Variants in AHCYL2 observed in about 807,000 individuals in gnomAD.
AHCYL2 encodes the protein S-adenosylhomocysteine hydrolase-like protein 2.
AHCYL2 carries 28 observed loss-of-function variants against 81.4 expected under a neutral mutation model. That is an observed-to-expected ratio of 0.34 (90% CI 0.25 to 0.47). The LOEUF (loss-of-function observed/expected upper bound fraction) is 0.47. Ranked by LOEUF, AHCYL2 falls within the 20% of genes least tolerant of loss-of-function variation. The pLI is 1.00. For missense variants in AHCYL2, 551 were observed against 785.1 expected (o/e 0.70, Z 3.56); for synonymous variants, 272 against 290.2 (o/e 0.94, Z 0.64).
At chr7:129,259,131 C>A (rs1795529831) in intron 1 of AHCYL2, among the ~76,000 whole-genome samples, 1 of 151,948 alleles carries the variant, frequency 6.6e-6, no homozygotes, top group African/African-American at 2.4e-5. Flanking sequence ...ATAACATTAC[C>A]TTTTTCCCAC....
At chr7:129,321,743 G>GTTTTTTTTTTTTTT in intron 1 of AHCYL2, among the ~76,000 whole-genome samples, 174 of 77,496 alleles carry the variant, frequency 2.2e-3, no homozygotes, top group East Asian at 4.5e-3. Flanking sequence ...TTCTTTCTTT[G>GTTTTTTTTTTTTTT]TTTTTTTTTT....
intron 1 of AHCYL2, among the ~76,000 whole-genome samples, chr7:129,350,003 A>G (rs1793500489): frequency 6.6e-6 from 1 of 152,234 alleles, no homozygotes; most frequent in East Asian, 1.9e-4. Context: ...TTAGTTATTC[A>G]TATTATTGTA....
intron 1 of AHCYL2, among the ~76,000 whole-genome samples, chr7:129,336,934 C>T (rs747818497): frequency 2.0e-5 from 3 of 151,932 alleles, no homozygotes; most frequent in Non-Finnish European, 2.9e-5. Context: ...TTTGTAAAGA[C>T]GGGTGTCTCA....
rs185639903 is a variant in AHCYL2 at position 129,424,593 on chromosome 7, A to G, written c.1561-281A>G. On this transcript the variant is annotated intron_variant, in intron 13 of 16. Transcript: ENST00000325006. ...AGAGTGGAAAATTCAAGAGAAGTAC[A>G]CTGATATTTGGCATAAGCCTCAGTG... 402 of 492,558 alleles carry G rather than the reference A, an allele frequency of 8.2e-4. 4 individuals are homozygous for G. In the East Asian group the frequency reaches 9.3e-3, roughly 11 times the overall value. 30.5% of individuals were successfully genotyped at this position (492,558 alleles called of 1,614,324 possible).
chr7:129,383,717 A>G (rs1030179670), intron 2 of AHCYL2, among the ~76,000 whole-genome samples: 6 of 151,732 alleles, frequency 4.0e-5, no homozygotes, highest in African/African-American at 1.5e-4. Flanking sequence ...TGTTCATTTC[A>G]CTCTGGCCTT....
In AHCYL2 at chr7:129,320,517, A is replaced by G. The variant is rs564811827; in HGVS notation, c.364-59121A>G. On this transcript the variant is annotated intron_variant, in intron 1 of 16. Coordinates refer to ENST00000325006, the MANE Select transcript of AHCYL2 (RefSeq NM_015328.4). ...TTTTTAGTAGAGATGCGGTTTCACC[A>G]TGTTAGCCAGGTTGGTCTCGAACTC... Among the ~76,000 whole-genome samples the G allele has an allele frequency of 2.6e-5, 4 of 152,312 alleles. No individual in the cohort carries two copies. The South Asian group carries it at 8.3e-4, about 32-fold the overall frequency.
intron 1 of AHCYL2, among the ~76,000 whole-genome samples, chr7:129,284,474 C>G (rs901586306): frequency 3.9e-5 from 6 of 152,178 alleles, no homozygotes; most frequent in Non-Finnish European, 4.4e-5. Context: ...TGGCATGTGC[C>G]TGTAATCCCA....
chr7:129,398,417 C>T (rs529105011), intron 5 of AHCYL2, among the ~76,000 whole-genome samples: 6 of 150,298 alleles, frequency 4.0e-5, no homozygotes, highest in African/African-American at 1.2e-4. Context: ...CTCACTCTGT[C>T]GCCCAGGCTG....
At chr7:129,397,519 C>T (rs575780608) in intron 5 of AHCYL2, among the ~76,000 whole-genome samples, 195 bp downstream of exon 5, 2 of 152,324 alleles carry the variant, frequency 1.3e-5, no homozygotes, top group South Asian at 4.1e-4. Context: ...TGCTATTTTA[C>T]AGTTGACAAA....
intron 4 of AHCYL2, among the ~76,000 whole-genome samples, chr7:129,395,626 C>T (rs1417443391): frequency 2.0e-5 from 3 of 152,152 alleles, no homozygotes; most frequent in Non-Finnish European, 4.4e-5. Flanking sequence ...TCCCTAATGG[C>T]AGGCCCAATT....
At chr7:129,255,790 C>A (rs1795398421) in intron 1 of AHCYL2, among the ~76,000 whole-genome samples, 1 of 152,022 alleles carries the variant, frequency 6.6e-6, no homozygotes, top group Non-Finnish European at 1.5e-5. Flanking sequence ...ATGGTGAAAC[C>A]CTGTCTCTAC....
intron 4 of AHCYL2, 136 bp from the exon 5 acceptor site, chr7:129,397,086 C>A: frequency 1.5e-6 from 1 of 674,468 alleles, no homozygotes; most frequent in Non-Finnish European, 2.4e-6. Context: ...TGAAGAGGTT[C>A]TGTAGAGCCC....
chr7:129,370,609 A>T (rs1249550342), intron 1 of AHCYL2, among the ~76,000 whole-genome samples: 1 of 152,186 alleles, frequency 6.6e-6, no homozygotes, highest in African/African-American at 2.4e-5. Flanking sequence ...GAGGCAGGAG[A>T]ATAGCATGAA....
intron 1 of AHCYL2, among the ~76,000 whole-genome samples, chr7:129,262,623 G>A (rs1348243451): frequency 1.3e-5 from 2 of 152,192 alleles, no homozygotes; most frequent in Non-Finnish European, 2.9e-5. Context: ...TAGCAGTGGA[G>A]CAAGTAAAAA....
At chr7:129,271,850 CT>C (rs1796030042) in intron 1 of AHCYL2, among the ~76,000 whole-genome samples, 1 of 152,204 alleles carries the variant, frequency 6.6e-6, no homozygotes, top group African/African-American at 2.4e-5. Flanking sequence ...ATGAATTACA[CT>C]TATTGAAACA....
chr7:129,254,861 AGTG>A (rs1469801078), intron 1 of AHCYL2, among the ~76,000 whole-genome samples: 4 of 152,210 alleles, frequency 2.6e-5, no homozygotes, highest in Non-Finnish European at 5.9e-5. Context: ...TTTGAGAAAA[AGTG>A]GTGAGAATTT....
chr7:129,255,462 G>A (rs1240970945), intron 1 of AHCYL2, among the ~76,000 whole-genome samples: 1 of 152,178 alleles, frequency 6.6e-6, no homozygotes, highest in Non-Finnish European at 1.5e-5. Context: ...CATTTCAAGA[G>A]TTCAACAGTC....
At chr7:129,240,363 C>T (rs1402553505) in intron 1 of AHCYL2, among the ~76,000 whole-genome samples, 1 of 151,962 alleles carries the variant, frequency 6.6e-6, no homozygotes, top group Non-Finnish European at 1.5e-5. Flanking sequence ...TACACAGACA[C>T]ACACACTGAC....
At chr7:129,410,337 T>G in intron 11 of AHCYL2, 1 of 1,614,238 alleles carries the variant, frequency 6.2e-7, no homozygotes, top group East Asian at 2.2e-5. Context: ...TCATCAAGCT[T>G]TAGCTCTAGG....
Sources: allele counts gnomAD v4.1 joint callset (sites outside exome capture counted in the v4.1 genomes callset), GRCh38; gene constraint gnomAD v4.1.1; transcripts MANE v1.5; gene names NCBI Gene and HGNC (gene_info 2026-07-23, HGNC 2026-07-21).